CSF1R: variants seen among roughly 807,000 people sequenced by gnomAD.
The protein encoded by CSF1R is colony stimulating factor 1 receptor, also known as macrophage colony-stimulating factor 1 receptor.
In CSF1R, 40 loss-of-function variants were observed where a neutral mutation model predicts 110.0. The ratio of observed to expected loss-of-function variants is 0.36; its 90% CI spans 0.28 to 0.47. The LOEUF (loss-of-function observed/expected upper bound fraction) is 0.47, where lower values mean the gene tolerates loss of function less well. CSF1R is among the 20% of genes least tolerant of loss of function. The pLI is 0.99. For synonymous variants in CSF1R, 523 were observed against 503.4 expected, an observed-to-expected ratio of 1.04 and a Z score of -0.52; for missense variants, 1,052 against 1,253.0, an observed-to-expected ratio of 0.84 and a Z score of 2.42.
chr5:150,095,835 C>T (rs1759207194), intron 1 of CSF1R, among the ~76,000 whole-genome samples: 1 of 149,322 alleles, frequency 6.7e-6, no homozygotes, highest in Non-Finnish European at 1.5e-5. Context: ...CAATACCAAC[C>T]CTACCAACAC....
chr5:150,112,063 A>G (rs1249592819), intron 1 of CSF1R, among the ~76,000 whole-genome samples: 1 of 152,258 alleles, frequency 6.6e-6, no homozygotes, highest in East Asian at 1.9e-4. Context: ...TTGTAGCTCT[A>G]CGTTAACCTT....
At chr5:150,072,671 G>T (rs1020123421) in intron 6 of CSF1R, among the ~76,000 whole-genome samples, 3 of 152,054 alleles carry the variant, frequency 2.0e-5, no homozygotes, top group African/African-American at 7.2e-5. Flanking sequence ...ACAGGAAAAA[G>T]ATTTCTAAAA....
rs1210181846 is a variant in CSF1R, at chr5:150,080,350, G to A, written c.308-14C>T. ...GCCGGGCAGGGTCTAGAGTAGAGGA[G>A]GGCACAGGGTTACAACTGCCCTCCC... On this transcript the variant is annotated splice_polypyrimidine_tract_variant and intron_variant, in intron 2 of 20. Coordinates refer to ENST00000675795, the MANE Select transcript of CSF1R (RefSeq NM_001288705.3). The A allele has an allele frequency of 3.1e-6, 5 of 1,608,900 alleles. No individual in the cohort carries two copies. In the Admixed American group the frequency reaches 8.3e-5, roughly 27 times the overall value.
chr5:150,068,117 T>A, intron 10 of CSF1R, 98 bp downstream of exon 10: 1 of 896,394 alleles, frequency 1.1e-6, no homozygotes, highest in South Asian at 1.5e-5. Flanking sequence ...GCTGATGGAC[T>A]GACTGAGGAG....
At position 150,080,754 on chromosome 5, in the gene CSF1R, T is replaced by G. The variant is rs1490627434; in HGVS notation, c.307+13A>C. 2.5e-6 allele frequency: 4 copies of G among 1,613,796 alleles called. No individual in the cohort carries two copies. In the African/African-American group the frequency reaches 5.3e-5, roughly 22 times the overall value. ...CGGGTCAGGCCTCTTGGGAGGAGGC[T>G]CAGACTCCTCACCTTTGACATAGAG... is the stretch of plus-strand genomic sequence containing the variant. On this transcript the variant is annotated intron_variant, in intron 2 of 20. Transcript: ENST00000675795.
At chr5:150,105,561 T>C (rs1347957943) in intron 1 of CSF1R, among the ~76,000 whole-genome samples, 1 of 151,736 alleles carries the variant, frequency 6.6e-6, no homozygotes, top group African/African-American at 2.4e-5. Flanking sequence ...TCTCATTCTG[T>C]TGCCAGGCTA....
intron 9 of CSF1R, among the ~76,000 whole-genome samples, chr5:150,068,745 C>A (rs567021684): frequency 6.6e-6 from 1 of 152,356 alleles, no homozygotes; most frequent in Non-Finnish European, 1.5e-5. Flanking sequence ...TCCTCTCCTG[C>A]ATTTCCCCTG....
intron 5 of CSF1R, chr5:150,076,893 C>T: frequency 3.2e-6 from 1 of 310,754 alleles, no homozygotes; most frequent in South Asian, 3.0e-5. Flanking sequence ...CTTCAGTGTT[C>T]CCAGGACACC....
At chr5:150,105,694 T>G (rs1759535062) in intron 1 of CSF1R, among the ~76,000 whole-genome samples, 1 of 152,094 alleles carries the variant, frequency 6.6e-6, no homozygotes, top group Non-Finnish European at 1.5e-5. Flanking sequence ...ACTAATTTTC[T>G]ATTTCTTTTT....
intron 5 of CSF1R, among the ~76,000 whole-genome samples, chr5:150,075,914 C>T (rs900490747): frequency 2.0e-5 from 3 of 152,246 alleles, no homozygotes; most frequent in East Asian, 1.9e-4. Flanking sequence ...GCTGCAAGTC[C>T]AGTGCCTTGC....
intron 1 of CSF1R, among the ~76,000 whole-genome samples, chr5:150,091,567 G>C (rs1283559718): frequency 2.0e-5 from 3 of 152,124 alleles, no homozygotes; most frequent in African/African-American, 7.2e-5. Flanking sequence ...TAAACCTGTA[G>C]AGGCAGACGG....
intron 1 of CSF1R, among the ~76,000 whole-genome samples, chr5:150,095,365 A>G (rs1309631800): frequency 6.6e-6 from 1 of 152,214 alleles, no homozygotes; most frequent in Non-Finnish European, 1.5e-5. Flanking sequence ...TCACCAAGAT[A>G]TACCATATTC....
chr5:150,099,744 G>A (rs575357170), intron 1 of CSF1R, among the ~76,000 whole-genome samples: 1 of 151,876 alleles, frequency 6.6e-6, no homozygotes, highest in East Asian at 1.9e-4. Flanking sequence ...AACCGGCAGG[G>A]GGGTGGGGGG....
Position 150,056,145 on chromosome 5 carries a change from G to A in CSF1R, c.2443-8C>T, listed in dbSNP as rs2113778875. On this transcript the variant is annotated splice_region_variant and splice_polypyrimidine_tract_variant and intron_variant, in intron 17 of 20. Coordinates refer to ENST00000675795, the MANE Select transcript of CSF1R (RefSeq NM_001288705.3). The stretch of plus-strand genomic sequence containing the variant: ...CTTCACAGGCAGGCGGGCCTGGGAT[G>A]ACAGTCCCCAGTTATTTTGGGCCCC... The A allele has an allele frequency of 6.2e-7, 1 of 1,614,192 alleles. No homozygotes were observed. The highest frequency in any genetic ancestry group is 8.5e-7 in the Non-Finnish European group (1 of 1,180,018).
intron 1 of CSF1R, among the ~76,000 whole-genome samples, chr5:150,092,750 A>C (rs1046003696): frequency 5.3e-5 from 8 of 152,220 alleles, no homozygotes; most frequent in African/African-American, 1.9e-4. Context: ...CACCCTTGAC[A>C]TGTGGGAATT....
upstream of CSF1R, among the ~76,000 whole-genome samples, chr5:150,089,011 T>A (rs1465966440): frequency 6.6e-6 from 1 of 152,190 alleles, no homozygotes; most frequent in Non-Finnish European, 1.5e-5. Flanking sequence ...AAACCCAACA[T>A]GCTTTCATTA....
chr5:150,068,515 G>A (rs41287100), intron 9 of CSF1R, among the ~76,000 whole-genome samples, 185 bp from the exon 10 acceptor site: 1,874 of 152,236 alleles, frequency 0.012, 13 homozygotes, highest in Non-Finnish European at 0.021. Flanking sequence ...CAGAGAGGAC[G>A]GCCTCTTCAG....
At chr5:150,066,308 T>C (rs1415326317) in intron 10 of CSF1R, among the ~76,000 whole-genome samples, 1 of 152,132 alleles carries the variant, frequency 6.6e-6, no homozygotes, top group African/African-American at 2.4e-5. Context: ...CTGTTAATGA[T>C]CCCATTTTAC....
intron 1 of CSF1R, among the ~76,000 whole-genome samples, chr5:150,099,042 C>T (rs528721986): frequency 1.6e-3 from 248 of 150,976 alleles, no homozygotes; most frequent in African/African-American, 5.7e-3. Context: ...TGCAGGTGCC[C>T]GCCACCACAC....
Sources: gnomAD v4.1 joint callset for allele counts (sites outside exome capture counted in the v4.1 genomes callset) on GRCh38, gnomAD v4.1.1 for gene constraint, MANE v1.5 for transcripts, NCBI Gene and HGNC (gene_info 2026-07-23, HGNC 2026-07-21) for gene names.